The following MEGF10 variants were observed in gnomAD, a reference collection of about 807,000 sequenced individuals.
MEGF10 encodes the protein multiple EGF like domains 10.
A neutral mutation model predicts 147.5 loss-of-function variants in MEGF10; 86 were observed. The observed-to-expected ratio is 0.58, with a 90% CI of 0.49 to 0.70. The LOEUF (loss-of-function observed/expected upper bound fraction) is 0.70. Among genes scored for constraint, MEGF10 ranks in the 30% least tolerant of loss-of-function variants. The pLI, the probability that MEGF10 is intolerant of heterozygous loss-of-function variation, is 0.00. For missense variants in MEGF10, 1,329 were observed against 1,487.3 expected, an observed-to-expected ratio of 0.89 and a Z score of 1.75; for synonymous variants, 478 against 525.5, an observed-to-expected ratio of 0.91 and a Z score of 1.24.
At chr5:127,310,898 A>C (rs528763264) in intron 1 of MEGF10, among the ~76,000 whole-genome samples, 1 of 152,286 alleles carries the variant, frequency 6.6e-6, no homozygotes, top group East Asian at 1.9e-4. Flanking sequence ...AAGAAGGCTG[A>C]GATCTACTTC....
intron 2 of MEGF10, among the ~76,000 whole-genome samples, chr5:127,335,078 A>C (rs1014343724): frequency 6.6e-6 from 1 of 152,202 alleles, no homozygotes; most frequent in Admixed American, 6.6e-5. Context: ...ATATATTTTC[A>C]GTATGTTTGA....
intron 3 of MEGF10, 99 bp from the exon 4 acceptor site, chr5:127,340,431 G>T: frequency 1.2e-6 from 1 of 821,876 alleles, no homozygotes. Context: ...GTATTATATT[G>T]GTCTAGACAT....
chr5:127,443,322 A>C (rs1414368321), intron 19 of MEGF10, among the ~76,000 whole-genome samples, 196 bp downstream of exon 19: 1 of 152,228 alleles, frequency 6.6e-6, no homozygotes, highest in Non-Finnish European at 1.5e-5. Flanking sequence ...AAAAGCTTAG[A>C]GAGGCTGAGT....
rs771961696 is a variant in MEGF10, at chr5:127,398,789, G to C, written c.773G>C (p.Gly258Ala). 1 of 1,613,582 alleles carries C rather than the reference G, an allele frequency of 6.2e-7. No individual in the cohort carries two copies. Among genetic ancestry groups the C allele is most frequent in the South Asian group, 1.1e-5 (1 of 91,038 alleles). Residue 258 changes from glycine (G) to alanine (A), a missense_variant, in exon 7 of 25, where the codon GGC becomes GCC. This residue lies in a region of MEGF10 where 980 missense variants were observed against 1,085.9 expected (regional missense o/e 0.90). Coordinates refer to ENST00000503335, the MANE Select transcript of MEGF10 (RefSeq NM_001256545.2). ...ACTGGAGAATGCTCTTGCCCTTCTG[G>C]CTGGATGGTAAGCTTCCTTCCCACC... ...HVTGECSCPS[G>A]WMGTVCGQPC...
At chr5:127,365,542 A>C (rs1311640870) in intron 4 of MEGF10, among the ~76,000 whole-genome samples, 2 of 152,238 alleles carry the variant, frequency 1.3e-5, no homozygotes, top group African/African-American at 2.4e-5. Flanking sequence ...GTCAGTGCCC[A>C]CCTGTCCATC....
At chr5:127,348,946 A>G (rs1010228588) in intron 4 of MEGF10, among the ~76,000 whole-genome samples, 1 of 152,174 alleles carries the variant, frequency 6.6e-6, no homozygotes, top group African/African-American at 2.4e-5. Flanking sequence ...ATGTTAAAAT[A>G]TAGGCTGGAT....
chr5:127,292,368 C>T (rs1759297913), intron 1 of MEGF10, among the ~76,000 whole-genome samples: 1 of 152,182 alleles, frequency 6.6e-6, no homozygotes, highest in African/African-American at 2.4e-5. Context: ...TAAGTTAATG[C>T]ATGTGAAGGA....
rs1421862443 is a variant in MEGF10 at position 127,455,454 on chromosome 5, G to C, written c.3079G>C (p.Glu1027Gln). 1 of 1,613,980 alleles carries C rather than the reference G, an allele frequency of 6.2e-7. No homozygotes were observed. The highest frequency in any genetic ancestry group is 1.7e-5 in the Admixed American group (1 of 60,004). The change falls in exon 24 of 25, where the codon GAG becomes CAG. Residue 1027 changes from glutamate to glutamine, a missense_variant. Around this residue, in one of 3 missense-constraint regions of MEGF10, gnomAD observed 343 missense variants for 377.9 expected, o/e 0.91. Transcript: ENST00000503335. ...AAGTAACTGCTCCCTAAGCAGTTCT[G>C]AGAACCCATATGCCACTATTAAAGA... ...NSSNCSLSSSENPYATIKDPP... is the reference protein window; with the variant it reads ...NSSNCSLSSSQNPYATIKDPP...
At chr5:127,245,990 C>T in the MEGF10 span, among the ~76,000 whole-genome samples, 4 of 152,280 alleles carry the variant, frequency 2.6e-5, no homozygotes, top group South Asian at 2.1e-4. Context: ...AATAGGAATG[C>T]TTTTTCACTG....
the MEGF10 span, among the ~76,000 whole-genome samples, chr5:127,243,872 A>G: frequency 3.9e-5 from 6 of 152,102 alleles, no homozygotes; most frequent in African/African-American, 7.2e-5. Context: ...GACCAAAAAT[A>G]TGTCTTGAAA....
At chr5:127,348,275 T>G (rs557510942) in intron 4 of MEGF10, among the ~76,000 whole-genome samples, 1 of 152,250 alleles carries the variant, frequency 6.6e-6, no homozygotes, top group South Asian at 2.1e-4. Flanking sequence ...ATATAAAATG[T>G]ATTGTCTTTT....
chr5:127,438,415 A>C (rs771487209), intron 16 of MEGF10, 24 bp from the exon 17 acceptor site: 1 of 1,612,152 alleles, frequency 6.2e-7, no homozygotes, highest in Non-Finnish European at 8.5e-7. Context: ...ACTCTGATGG[A>C]CTTCTCCATA....
intron 4 of MEGF10, among the ~76,000 whole-genome samples, chr5:127,345,687 G>A (rs1761857154): frequency 6.6e-6 from 1 of 152,026 alleles, no homozygotes; most frequent in African/African-American, 2.4e-5. Context: ...CATTATTTTT[G>A]ATTTGGAGAT....
chr5:127,317,671 G>A (rs1158058305), intron 1 of MEGF10, among the ~76,000 whole-genome samples: 1 of 152,144 alleles, frequency 6.6e-6, no homozygotes, highest in Non-Finnish European at 1.5e-5. Context: ...AACACCCCGT[G>A]TTCTCACTCA....
In MEGF10 at chr5:127,340,558, G is replaced by A; in HGVS notation, c.247G>A (p.Gly83Arg). Residue 83 changes from glycine (G) to arginine (R), a missense_variant, in exon 4 of 25, where the codon GGG (glycine) becomes AGG (arginine). This residue lies in a region of MEGF10 where 980 missense variants were observed against 1,085.9 expected (regional missense o/e 0.90). Transcript: ENST00000503335. ...RVSYRTAYRHGEKTMYRRKSQ... is the reference protein window; with the variant it reads ...RVSYRTAYRHREKTMYRRKSQ... ...CAGCTATCGGACAGCCTATCGACAT[G>A]GGGAGAAGACTATGTATAGGCGCAA... 6.2e-7 allele frequency: 1 copy of A among 1,612,738 alleles called. No homozygotes were observed.
chr5:127,273,528 G>T, the MEGF10 span, among the ~76,000 whole-genome samples: 2 of 152,122 alleles, frequency 1.3e-5, no homozygotes, highest in Non-Finnish European at 2.9e-5. Context: ...TAACTCTTAA[G>T]CCTTATGTAT....
intron 19 of MEGF10, chr5:127,444,551 G>A (rs1432323293): frequency 6.6e-6 from 1 of 152,196 alleles, no homozygotes; most frequent in Non-Finnish European, 1.5e-5. Context: ...TGATAAAACT[G>A]CAGCCTGAAA....
chr5:127,359,386 A>G lies in MEGF10; in HGVS notation c.320-10524A>G, dbSNP rs140855480. 5.1e-3 allele frequency among the ~76,000 whole-genome samples: 776 copies of G among 152,094 alleles called. 15 individuals carry two copies. In the Middle Eastern group the frequency reaches 0.11, roughly 21 times the overall value. Reference sequence around the variant, plus strand: ...GTTTAAACAGCTTCATGGAGGTAAAATTGACATACAATAAGCTGCACATTT... The same window carrying G: ...GTTTAAACAGCTTCATGGAGGTAAAGTTGACATACAATAAGCTGCACATTT... On this transcript the variant is annotated intron_variant, in intron 4 of 24. Transcript: ENST00000503335.
chr5:127,334,940 C>T (rs1409495785), intron 2 of MEGF10, among the ~76,000 whole-genome samples: 1 of 152,054 alleles, frequency 6.6e-6, no homozygotes, highest in Admixed American at 6.6e-5. Flanking sequence ...TGGAACGTGC[C>T]CAAGTGATAA....
Sources: gnomAD v4.1 joint callset for allele counts (sites outside exome capture counted in the v4.1 genomes callset) on GRCh38, gnomAD v4.1.1 for gene constraint, gnomAD v4.1.1 regional missense constraint, MANE v1.5 for transcripts, NCBI Gene and HGNC (gene_info 2026-07-23, HGNC 2026-07-21) for gene names.